The following NRDE2 variants were observed in gnomAD, a reference collection of about 807,000 sequenced individuals.
NRDE2 encodes the protein NRDE-2, necessary for RNA interference, domain containing.
In NRDE2, 76 loss-of-function variants were observed where a neutral mutation model predicts 124.2. That is an observed-to-expected ratio of 0.61 (90% CI 0.51 to 0.74). The LOEUF (loss-of-function observed/expected upper bound fraction) is 0.74. Among genes scored for constraint, NRDE2 ranks in the 30% least tolerant of loss-of-function variants. The probability of loss-of-function intolerance (pLI) is 0.00; values close to 1 mark genes in which losing one functional copy is unlikely to be tolerated. For missense variants in NRDE2, 1,314 were observed against 1,417.3 expected, an observed-to-expected ratio of 0.93 and a Z score of 1.17; for synonymous variants, 489 against 528.1, an observed-to-expected ratio of 0.93 and a Z score of 1.01.
chr14:90,292,949 G>T, intron 8 of NRDE2, 77 bp from the exon 9 acceptor site: 1 of 1,381,850 alleles, frequency 7.2e-7, no homozygotes, highest in Non-Finnish European at 1.0e-6. Context: ...GCTATGTCAG[G>T]GACTGTTGGG....
chr14:90,281,405 C>T (rs769401842), intron 12 of NRDE2: 2 of 152,224 alleles, frequency 1.3e-5, no homozygotes, highest in African/African-American at 2.4e-5. Context: ...CAGAGCAAGA[C>T]TCTGTCTCAA....
Position 90,270,084 on chromosome 14 carries a change from C to G in NRDE2, c.*8252G>C, listed in dbSNP as rs1361530832. ...TTTTAAAATTTAGACATCCTTCCCA[C>G]AGAATTCTGTCCGACTGAAACTTCG... On this transcript the variant is annotated 3_prime_UTR_variant, in exon 14 of 14. Transcript: ENST00000354366. 1 of 1,125,356 alleles carries G rather than the reference C, an allele frequency of 8.9e-7. No homozygotes were observed. The highest frequency in any genetic ancestry group is 1.6e-5 in the African/African-American group (1 of 63,916). The allele number at this position is 1,125,356 out of a possible 1,614,324, so 69.7% of individuals were successfully genotyped here.
In NRDE2 at chr14:90,275,628, C is replaced by A. The variant is rs535764875; in HGVS notation, c.*2708G>T. The A allele has an allele frequency of 7.9e-5, 12 of 152,322 alleles. No individual in the cohort carries two copies. The highest frequency in any genetic ancestry group is 2.9e-4 in the African/African-American group (12 of 41,560). 9.4% of individuals were successfully genotyped at this position (152,322 alleles called of 1,614,324 possible). A position where few individuals can be genotyped will look rare whatever the true frequency, so the allele number is the denominator to read the frequency against. On this transcript the variant is annotated 3_prime_UTR_variant, in exon 14 of 14. Transcript: ENST00000354366. ...GACCAAAATGCTGAAATTACCGTTT[C>A]GGCAGCTGGTCACTGAGGCCTGCGG...
At chr14:90,282,982 A>G (rs1255562571) in intron 12 of NRDE2, among the ~76,000 whole-genome samples, 1 of 152,226 alleles carries the variant, frequency 6.6e-6, no homozygotes, top group Non-Finnish European at 1.5e-5. Context: ...GTATGTGCAT[A>G]TGTATAAGCA....
At chr14:90,285,601 C>T (rs920694278) in intron 12 of NRDE2, among the ~76,000 whole-genome samples, 2 of 151,792 alleles carry the variant, frequency 1.3e-5, no homozygotes, top group African/African-American at 2.4e-5. Context: ...CATGCCCAGC[C>T]GGAAATGTTG....
intron 1 of NRDE2, among the ~76,000 whole-genome samples, chr14:90,331,408 CTAAG>C (rs1363336181): frequency 6.6e-6 from 1 of 152,114 alleles, no homozygotes; most frequent in Non-Finnish European, 1.5e-5. Flanking sequence ...CTCTAGGCCG[CTAAG>C]TAATACCAAT....
chr14:90,269,756 C>T lies in NRDE2; in HGVS notation c.*8580G>A, dbSNP rs548859174. 1 of 470,150 alleles carries T rather than the reference C, an allele frequency of 2.1e-6. No homozygotes were observed. Among genetic ancestry groups the T allele is most frequent in the Non-Finnish European group, 3.7e-6 (1 of 273,390 alleles). The allele number at this position is 470,150 out of a possible 1,614,324, so 29.1% of individuals were successfully genotyped here. On this transcript the variant is annotated 3_prime_UTR_variant, in exon 14 of 14. Transcript: ENST00000354366. ...GCACCTTGGCCCTTTGAATTCCAGT[C>T]TTATGTCTTGTCTTTTCTTTTCCAT...
chr14:90,304,902 A>G (rs1234581115), intron 4 of NRDE2, among the ~76,000 whole-genome samples: 3 of 152,214 alleles, frequency 2.0e-5, no homozygotes, highest in Non-Finnish European at 4.4e-5. Flanking sequence ...GAAACAAAGT[A>G]TGTCAAATGA....
chr14:90,324,076 G>A (rs1043981819), intron 1 of NRDE2, among the ~76,000 whole-genome samples: 3 of 152,104 alleles, frequency 2.0e-5, no homozygotes, highest in Non-Finnish European at 4.4e-5. Context: ...AACAAGGTCT[G>A]GATCAGAGAA....
rs1885580771 is a variant in NRDE2 at position 90,329,470 on chromosome 14, C to T, written c.64+2371G>A. Among the ~76,000 whole-genome samples, 2 of 151,990 alleles carry T rather than the reference C, an allele frequency of 1.3e-5. 1 individual carries two copies. Among genetic ancestry groups the T allele is most frequent in the South Asian group, 4.1e-4 (2 of 4,822 alleles). On this transcript the variant is annotated intron_variant, in intron 1 of 13. Coordinates refer to ENST00000354366, the MANE Select transcript of NRDE2 (RefSeq NM_017970.4). ...ATTCCAGAACTTTGGGAGGCTGAGG[C>T]AGGAGGATCACTTGAGCCCAGCAGT...
At chr14:90,307,809 C>T (rs896542309) in intron 4 of NRDE2, among the ~76,000 whole-genome samples, 1 of 152,180 alleles carries the variant, frequency 6.6e-6, no homozygotes, top group African/African-American at 2.4e-5. Context: ...TGCAATATAG[C>T]TCACTGCAGT....
intron 13 of NRDE2, 85 bp downstream of exon 13, chr14:90,278,977 G>A (rs1225267362): frequency 2.5e-5 from 24 of 945,464 alleles, no homozygotes; most frequent in Non-Finnish European, 3.5e-5. Flanking sequence ...CGGTGCCGCG[G>A]GGCAGGCCGG....
chr14:90,330,528 T>C (rs544178838), intron 1 of NRDE2, among the ~76,000 whole-genome samples: 158 of 152,212 alleles, frequency 1.0e-3, no homozygotes, highest in African/African-American at 3.5e-3. Context: ...TTATGAGAAA[T>C]AGGACAAGCG....
chr14:90,270,162 A>T lies in NRDE2; in HGVS notation c.*8174T>A, dbSNP rs1891625405. 1.2e-6 allele frequency: 2 copies of T among 1,607,268 alleles called. No individual in the cohort carries two copies. The highest frequency in any genetic ancestry group is 1.1e-5 in the South Asian group (1 of 90,466). ...GAGCCATGGCCGAGCCTGGGTTTGG[A>T]TGTTGGTGTGACTTCAAATCTCTTT... is the stretch of plus-strand genomic sequence containing the variant. On this transcript the variant is annotated 3_prime_UTR_variant, in exon 14 of 14. Transcript: ENST00000354366.
intron 4 of NRDE2, among the ~76,000 whole-genome samples, chr14:90,309,933 C>G (rs1017346685): frequency 6.6e-6 from 1 of 152,208 alleles, no homozygotes; most frequent in African/African-American, 2.4e-5. Context: ...TCCAATTACT[C>G]TCTCCCTAAG....
chr14:90,269,789 CCT>C lies in NRDE2; in HGVS notation c.*8545_*8546del, dbSNP rs1195389779. On this transcript the variant is annotated 3_prime_UTR_variant, in exon 14 of 14. Coordinates refer to ENST00000354366, the MANE Select transcript of NRDE2 (RefSeq NM_017970.4). The stretch of plus-strand genomic sequence containing the variant: ...TTGTCTTTTCTTTTCCATAACATTC[CCT>C]TTTTAGCCTCAAGAACTTGCTGCTT... 5 of 430,760 alleles carry C rather than the reference CCT, an allele frequency of 1.2e-5. No individual in the cohort carries two copies. The highest frequency in any genetic ancestry group is 2.0e-5 in the Non-Finnish European group (5 of 246,290). 26.7% of individuals were successfully genotyped at this position (430,760 alleles called of 1,614,324 possible). A position where few individuals can be genotyped will look rare whatever the true frequency, so the allele number is the denominator to read the frequency against.
chr14:90,307,116 A>G (rs1884631808), intron 4 of NRDE2, among the ~76,000 whole-genome samples: 1 of 152,236 alleles, frequency 6.6e-6, no homozygotes, highest in Non-Finnish European at 1.5e-5. Flanking sequence ...TATGTGTTTC[A>G]GTATGTATAT....
chr14:90,284,267 C>A (rs1332965545), intron 12 of NRDE2, among the ~76,000 whole-genome samples: 1 of 151,908 alleles, frequency 6.6e-6, no homozygotes, highest in African/African-American at 2.4e-5. Flanking sequence ...GTAACATGAT[C>A]AAGTTTTGAG....
At chr14:90,298,448 C>T (rs572675879) in intron 7 of NRDE2, 68 bp from the exon 8 acceptor site, 465 of 1,518,664 alleles carry the variant, frequency 3.1e-4, no homozygotes, top group Non-Finnish European at 3.6e-4. Flanking sequence ...GGGCAAAATC[C>T]GCGCTGGTGG....
Sources: gnomAD v4.1 joint callset for allele counts (sites outside exome capture counted in the v4.1 genomes callset) on GRCh38, gnomAD v4.1.1 for gene constraint, MANE v1.5 for transcripts, NCBI Gene and HGNC (gene_info 2026-07-23, HGNC 2026-07-21) for gene names.